The following COL22A1 variants were observed in gnomAD, a reference collection of about 807,000 sequenced individuals.
COL22A1 encodes the protein collagen alpha-1(XXII) chain.
In COL22A1, 221 loss-of-function variants were observed where a neutral mutation model predicts 248.9. That is an observed-to-expected ratio of 0.89 (90% confidence interval 0.80 to 0.99). The LOEUF is 0.99. Among genes scored for constraint, COL22A1 ranks in the 50% least tolerant of loss-of-function variants. The probability of loss-of-function intolerance (pLI) is 0.00; values close to 1 mark genes in which losing one functional copy is unlikely to be tolerated. For synonymous variants in COL22A1, 891 were observed against 793.4 expected (o/e 1.12, Z -2.07); for missense variants, 2,240 against 2,179.0 (o/e 1.03, Z -0.56).
intron 22 of COL22A1, among the ~76,000 whole-genome samples, chr8:138,745,170 A>AT (rs559951643): frequency 8.0e-5 from 12 of 150,322 alleles, no homozygotes; most frequent in East Asian, 3.9e-4. Context: ...ACAATATACA[A>AT]TTTTTTTTTA....
At chr8:138,807,519 G>A (rs1817829940) in intron 10 of COL22A1, among the ~76,000 whole-genome samples, 1 of 152,208 alleles carries the variant, frequency 6.6e-6, no homozygotes, top group Non-Finnish European at 1.5e-5. Context: ...TGAGACCTGA[G>A]CCAGGGCTCT....
At chr8:138,857,863 G>A (rs1436923477) in intron 3 of COL22A1, among the ~76,000 whole-genome samples, 7 of 152,174 alleles carry the variant, frequency 4.6e-5, no homozygotes, top group South Asian at 4.1e-4. Context: ...CCTCCTCCCC[G>A]GGCACTTGGC....
intron 37 of COL22A1, among the ~76,000 whole-genome samples, chr8:138,685,795 A>C (rs1826301343): frequency 6.6e-6 from 1 of 152,184 alleles, no homozygotes; most frequent in African/African-American, 2.4e-5. Flanking sequence ...CAGCCTCCAA[A>C]ACTGGGAGAA....
At chr8:138,603,797 CT>C (rs990398481) in intron 59 of COL22A1, among the ~76,000 whole-genome samples, 12 of 152,294 alleles carry the variant, frequency 7.9e-5, no homozygotes, top group African/African-American at 2.9e-4. Flanking sequence ...AAGTGACCAC[CT>C]CCCTGAAGTT....
intron 22 of COL22A1, among the ~76,000 whole-genome samples, chr8:138,739,400 C>A (rs940487990): frequency 6.6e-6 from 1 of 152,170 alleles, no homozygotes; most frequent in Admixed American, 6.5e-5. Context: ...TTTGTTTCTC[C>A]TGAAATGCTC....
chr8:138,886,215 T>G (rs1032293508), intron 1 of COL22A1, among the ~76,000 whole-genome samples: 1 of 152,208 alleles, frequency 6.6e-6, no homozygotes, highest in Non-Finnish European at 1.5e-5. Context: ...TTTGTTCCCA[T>G]GGGATCTGGC....
At chr8:138,697,649 C>G (rs1388336249) in intron 32 of COL22A1, among the ~76,000 whole-genome samples, 1 of 152,198 alleles carries the variant, frequency 6.6e-6, no homozygotes, top group African/African-American at 2.4e-5. Flanking sequence ...AGTCGGGCTT[C>G]TCCCTCCACC....
At chr8:138,603,821 CA>C (rs1818224203) in intron 59 of COL22A1, among the ~76,000 whole-genome samples, 1 of 152,116 alleles carries the variant, frequency 6.6e-6, no homozygotes, top group South Asian at 2.1e-4. Flanking sequence ...GAACGTGACC[CA>C]AAGGCACAGG....
intron 15 of COL22A1, among the ~76,000 whole-genome samples, chr8:138,777,572 T>C (rs957733755): frequency 6.6e-6 from 1 of 152,200 alleles, no homozygotes; most frequent in Non-Finnish European, 1.5e-5. Flanking sequence ...CCTGTGTCCA[T>C]GTGTTCTCAT....
chr8:138,635,149 C>A lies in COL22A1; in HGVS notation c.3556-86G>T, dbSNP rs1006013139. On this transcript the variant is annotated intron_variant, in intron 48 of 64. Transcript: ENST00000303045. The stretch of plus-strand genomic sequence containing the variant: ...AAATATCAAATTTCAGAAAACAATA[C>A]AGAATCCACCTTCCAACCCTACTAA... The A allele has an allele frequency of 2.1e-5, 23 of 1,110,624 alleles. No individual in the cohort carries two copies. In the African/African-American group the frequency reaches 3.5e-4, roughly 17 times the overall value. The allele number at this position is 1,110,624 out of a possible 1,614,324, so 68.8% of individuals were successfully genotyped here.
At chr8:138,867,379 C>T (rs1257511738) in intron 3 of COL22A1, among the ~76,000 whole-genome samples, 6 of 152,162 alleles carry the variant, frequency 3.9e-5, no homozygotes, top group South Asian at 2.1e-4. Context: ...GATACAGTCA[C>T]GTTACTGCCA....
At chr8:138,649,401 G>A (rs546902935) in intron 46 of COL22A1, among the ~76,000 whole-genome samples, 92 of 152,320 alleles carry the variant, frequency 6.0e-4, no homozygotes, top group African/African-American at 2.1e-3. Flanking sequence ...GGAAAGGAAT[G>A]TAACTGAATG....
At chr8:138,706,461 C>G (rs1455339031) in intron 30 of COL22A1, among the ~76,000 whole-genome samples, 1 of 152,190 alleles carries the variant, frequency 6.6e-6, no homozygotes, top group Non-Finnish European at 1.5e-5. Flanking sequence ...TGCAATCAAA[C>G]TAGAATGCAG....
chr8:138,833,235 G>A, intron 4 of COL22A1, 85 bp from the exon 5 acceptor site: 1 of 896,130 alleles, frequency 1.1e-6, no homozygotes, highest in Non-Finnish European at 1.9e-6. Flanking sequence ...GTCTGCAAAG[G>A]CAGCCTGCCC....
intron 23 of COL22A1, among the ~76,000 whole-genome samples, chr8:138,729,435 C>CA (rs1805897551): frequency 6.6e-6 from 1 of 152,142 alleles, no homozygotes; most frequent in African/African-American, 2.4e-5. Context: ...ATGCTATGCA[C>CA]ACAGCAGAGG....
At chr8:138,660,000 A>G (rs1823636799) in intron 44 of COL22A1, among the ~76,000 whole-genome samples, 1 of 152,020 alleles carries the variant, frequency 6.6e-6, no homozygotes, top group Non-Finnish European at 1.5e-5. Context: ...TCCACTTTTC[A>G]CCCTTCTCTG....
At chr8:138,772,194 T>C (rs961178682) in intron 16 of COL22A1, among the ~76,000 whole-genome samples, 1 of 152,226 alleles carries the variant, frequency 6.6e-6, no homozygotes, top group Non-Finnish European at 1.5e-5. Context: ...CTGCATCGTC[T>C]CTCGCATGGG....
chr8:138,602,886 G>C (rs975447583), intron 59 of COL22A1, among the ~76,000 whole-genome samples: 12 of 152,326 alleles, frequency 7.9e-5, no homozygotes, highest in Admixed American at 1.3e-4. Flanking sequence ...TCACGCATGG[G>C]TTACTTTCCT....
chr8:138,825,288 A>T (rs995012480), intron 6 of COL22A1, among the ~76,000 whole-genome samples: 2 of 152,208 alleles, frequency 1.3e-5, no homozygotes, highest in African/African-American at 2.4e-5. Flanking sequence ...GCATCTCAGT[A>T]TGACCAGGGA....
Sources: gnomAD v4.1 joint callset for allele counts (sites outside exome capture counted in the v4.1 genomes callset) on GRCh38, gnomAD v4.1.1 for gene constraint, MANE v1.5 for transcripts, NCBI Gene and HGNC (gene_info 2026-07-23, HGNC 2026-07-21) for gene names.